SMARCC1: variants seen among roughly 807,000 people sequenced by gnomAD.
The protein encoded by SMARCC1 is SWI/SNF complex subunit SMARCC1.
In SMARCC1, 43 loss-of-function variants were observed where a neutral mutation model predicts 147.4. The observed-to-expected ratio is 0.29, with a 90% CI of 0.23 to 0.38. The LOEUF (loss-of-function observed/expected upper bound fraction) is 0.38, where lower values mean the gene tolerates loss of function less well. Among genes scored for constraint, SMARCC1 ranks in the 10% least tolerant of loss-of-function variants. The pLI is 1.00. For synonymous variants in SMARCC1, 495 were observed against 484.4 expected, an observed-to-expected ratio of 1.02 and a Z score of -0.29; for missense variants, 1,119 against 1,381.1, an observed-to-expected ratio of 0.81 and a Z score of 3.01.
At chr3:47,656,826 A>T (rs2033267952) in intron 21 of SMARCC1, among the ~76,000 whole-genome samples, 2 of 152,116 alleles carry the variant, frequency 1.3e-5, no homozygotes, top group Non-Finnish European at 2.9e-5. Context: ...AGGCAGGAGG[A>T]TCACTTGAGC....
At position 47,673,820 on chromosome 3, in the gene SMARCC1, C is replaced by T. The variant is rs2033535486; in HGVS notation, c.1839+1655G>A. ...TACTCAAATCAAAACCCAAAAGGCT[C>T]CCTCCTTTAAAACTCAATTGATAGC... On this transcript the variant is annotated intron_variant, in intron 18 of 27. Coordinates refer to ENST00000254480, the MANE Select transcript of SMARCC1 (RefSeq NM_003074.4). 2.0e-5 allele frequency among the ~76,000 whole-genome samples: 3 copies of T among 152,114 alleles called. No homozygotes were observed. The South Asian group carries it at 6.2e-4, about 32-fold the overall frequency.
intron 18 of SMARCC1, among the ~76,000 whole-genome samples, chr3:47,674,013 A>G (rs535276463): frequency 3.3e-4 from 51 of 152,286 alleles, no homozygotes; most frequent in Non-Finnish European, 6.0e-4. Flanking sequence ...TTATTCTTCC[A>G]TTAGATCCAG....
rs147630974 is a variant in SMARCC1 at position 47,748,290 on chromosome 3, T to C, written c.316-2297A>G. ...GTACAGCTGGGTGATCATGGCTCACTGTAGCCTCTGCCTTCTGGGTTCAAG... is the reference window on the plus strand; with the variant it reads ...GTACAGCTGGGTGATCATGGCTCACCGTAGCCTCTGCCTTCTGGGTTCAAG... On this transcript the variant is annotated intron_variant, in intron 2 of 27. Transcript: ENST00000254480. 5.0e-3 allele frequency among the ~76,000 whole-genome samples: 758 copies of C among 152,320 alleles called. 5 individuals carry two copies. Among genetic ancestry groups the C allele is most frequent in the Middle Eastern group, 0.014 (4 of 294 alleles).
At chr3:47,659,760 A>AGGGGGGG (rs71619691) in intron 21 of SMARCC1, among the ~76,000 whole-genome samples, 3 of 47,772 alleles carry the variant, frequency 6.3e-5, no homozygotes, top group Non-Finnish European at 7.4e-5. Flanking sequence ...GAAAAAAAAA[A>AGGGGGGG]GGGGGGGGGG....
At chr3:47,614,487 A>G (rs2032609486) in intron 25 of SMARCC1, among the ~76,000 whole-genome samples, 1 of 152,222 alleles carries the variant, frequency 6.6e-6, no homozygotes, top group Non-Finnish European at 1.5e-5. Context: ...GTTAAATATA[A>G]TTACTCTGGG....
intron 6 of SMARCC1, among the ~76,000 whole-genome samples, chr3:47,721,696 C>G (rs1022827495): frequency 1.3e-5 from 2 of 152,008 alleles, no homozygotes; most frequent in Non-Finnish European, 2.9e-5. Flanking sequence ...TATACAATGA[C>G]TCACCTAACT....
chr3:47,635,339 T>C lies in SMARCC1; in HGVS notation c.2497A>G (p.Lys833Glu). Reference protein sequence around the residue: ...EVSEDTKSEEKETEENKELTD... With the variant: ...EVSEDTKSEEEETEENKELTD... ...AGTTCTTTGTTCTCTTCAGTCTCCTTTTCTTCTGAAAATATCAGAAAGCTT... is the reference window on the plus strand; with the variant it reads ...AGTTCTTTGTTCTCTTCAGTCTCCTCTTCTTCTGAAAATATCAGAAAGCTT... Residue 833 changes from lysine (K) to glutamate (E), a missense_variant, in exon 24 of 28, where the codon AAG becomes GAG. Transcript: ENST00000254480. The C allele has an allele frequency of 6.2e-7, 1 of 1,611,476 alleles. No homozygotes were observed. Among genetic ancestry groups the C allele is most frequent in the Middle Eastern group, 1.9e-4 (1 of 5,138 alleles).
intron 24 of SMARCC1, among the ~76,000 whole-genome samples, chr3:47,633,779 T>TATACACACACAC (rs1367543059): frequency 0.035 from 1,011 of 28,604 alleles, 72 homozygotes; most frequent in Non-Finnish European, 0.054. Context: ...TATATATATA[T>TATACACACACAC]ACACACACAC....
chr3:47,703,084 C>G (rs534459993), intron 10 of SMARCC1, among the ~76,000 whole-genome samples: 1 of 152,138 alleles, frequency 6.6e-6, no homozygotes, highest in African/African-American at 2.4e-5. Flanking sequence ...CGCTCAATCA[C>G]GCACCGGCTA....
intron 2 of SMARCC1, among the ~76,000 whole-genome samples, chr3:47,767,481 C>T (rs1244250832): frequency 2.1e-5 from 3 of 140,786 alleles, no homozygotes; most frequent in Admixed American, 1.5e-4. Flanking sequence ...CTGAGGTGAT[C>T]CACCCACTTC....
At position 47,587,973 on chromosome 3, in the gene SMARCC1, A is replaced by G; in HGVS notation, c.*236T>C. 1.9e-6 allele frequency: 1 copy of G among 517,816 alleles called. No individual in the cohort carries two copies. Among genetic ancestry groups the G allele is most frequent in the South Asian group, 2.4e-5 (1 of 42,300 alleles). The allele number at this position is 517,816 out of a possible 1,614,324, so 32.1% of individuals were successfully genotyped here. On this transcript the variant is annotated 3_prime_UTR_variant, in exon 28 of 28. Transcript: ENST00000254480. ...GGACAGGGGAGATGCAGGTTATTTT[A>G]AGGATGACCAGGGCACACTGTCACT...
At chr3:47,731,731 A>C (rs77016733) in intron 5 of SMARCC1, among the ~76,000 whole-genome samples, 1,677 of 152,306 alleles carry the variant, frequency 0.011, 14 homozygotes, top group Non-Finnish European at 0.017. Flanking sequence ...TTTCAAAAGA[A>C]ATTGTTTTTC....
intron 25 of SMARCC1, among the ~76,000 whole-genome samples, chr3:47,617,530 CACTT>C (rs1203760768): frequency 1.3e-5 from 2 of 152,200 alleles, no homozygotes; most frequent in South Asian, 2.1e-4. Context: ...ATTTACCAAA[CACTT>C]ACTATGTATG....
intron 9 of SMARCC1, among the ~76,000 whole-genome samples, chr3:47,708,083 C>CTTTTTTTGTTTTTTTTTTTTT (rs1559650534): frequency 1.6e-5 from 1 of 64,270 alleles, no homozygotes; most frequent in African/African-American, 6.6e-5. Context: ...AATTTTTTTT[C>CTTTTTTTGTTTTTTTTTTTTT]TTTTTTTTTT....
intron 18 of SMARCC1, among the ~76,000 whole-genome samples, chr3:47,671,351 T>C (rs1181133602): frequency 6.6e-6 from 1 of 152,072 alleles, no homozygotes; most frequent in Non-Finnish European, 1.5e-5. Context: ...AAATCAGCTG[T>C]AATATCACAA....
At chr3:47,619,726 A>C (rs2032699615) in intron 25 of SMARCC1, among the ~76,000 whole-genome samples, 1 of 152,238 alleles carries the variant, frequency 6.6e-6, no homozygotes, top group Non-Finnish European at 1.5e-5. Flanking sequence ...GATGTACAGC[A>C]TGGAGTGAGA....
intron 14 of SMARCC1, among the ~76,000 whole-genome samples, chr3:47,685,104 C>T (rs908291673): frequency 1.3e-5 from 2 of 152,170 alleles, no homozygotes; most frequent in Non-Finnish European, 2.9e-5. Context: ...CGAACTATCA[C>T]CATCACTACT....
intron 21 of SMARCC1, among the ~76,000 whole-genome samples, chr3:47,639,333 C>T (rs569288674): frequency 6.6e-6 from 1 of 152,184 alleles, no homozygotes; most frequent in Admixed American, 6.5e-5. Context: ...AAGCACATAT[C>T]AATAAATTAC....
At chr3:47,678,395 T>G (rs573079022) in intron 15 of SMARCC1, 84 bp from the exon 16 acceptor site, 137 of 580,984 alleles carry the variant, frequency 2.4e-4, no homozygotes, top group Middle Eastern at 5.6e-4. Context: ...ATCTTCAGAT[T>G]CCTTAAAAAT....
Sources: allele counts gnomAD v4.1 joint callset (sites outside exome capture counted in the v4.1 genomes callset), GRCh38; gene constraint gnomAD v4.1.1; transcripts MANE v1.5; gene names NCBI Gene and HGNC (gene_info 2026-07-23, HGNC 2026-07-21).